The following MPHOSPH6 variants were observed in gnomAD, a reference collection of about 807,000 sequenced individuals.
MPHOSPH6 encodes M-phase phosphoprotein 6.
Under a neutral mutation model 21.8 loss-of-function variants are expected in MPHOSPH6, and 25 were observed. The observed-to-expected ratio is 1.15, with a 90% CI of 0.83 to 1.60. The LOEUF is 1.60. Among genes scored for constraint, MPHOSPH6 ranks in the 40% most tolerant of loss-of-function variants. The pLI, the probability that MPHOSPH6 is intolerant of heterozygous loss-of-function variation, is 0.00. For synonymous variants in MPHOSPH6, 84 were observed against 56.5 expected, an observed-to-expected ratio of 1.49 and a Z score of -2.18; for missense variants, 269 against 181.8, an observed-to-expected ratio of 1.48 and a Z score of -2.76.
At chr16:82,165,483 A>G (rs915775329) in intron 1 of MPHOSPH6, among the ~76,000 whole-genome samples, 1 of 152,138 alleles carries the variant, frequency 6.6e-6, no homozygotes, top group Non-Finnish European at 1.5e-5. Flanking sequence ...CTTTTTAGGC[A>G]TAAGCACTTT....
intron 3 of MPHOSPH6, among the ~76,000 whole-genome samples, chr16:82,150,521 T>C (rs535561221): frequency 4.3e-4 from 66 of 152,324 alleles, no homozygotes; most frequent in African/African-American, 1.5e-3. Flanking sequence ...ACTCTGGCAA[T>C]TGGCTTAGTT....
chr16:82,162,241 C>G (rs1331037904), intron 2 of MPHOSPH6: 3 of 152,252 alleles, frequency 2.0e-5, no homozygotes, highest in African/African-American at 4.8e-5. Context: ...ACTGGCGGAG[C>G]TGGGCATCAA....
chr16:82,161,911 T>G (rs1906619421), intron 2 of MPHOSPH6, among the ~76,000 whole-genome samples: 1 of 152,150 alleles, frequency 6.6e-6, no homozygotes, highest in African/African-American at 2.4e-5. Flanking sequence ...CGGCTGACAT[T>G]AAAAATGGGA....
chr16:82,168,821 C>T (rs1185615744), intron 1 of MPHOSPH6, among the ~76,000 whole-genome samples: 2 of 152,162 alleles, frequency 1.3e-5, no homozygotes, highest in Admixed American at 1.3e-4. Context: ...GGAAATTCCA[C>T]CTCTTTAAAC....
In MPHOSPH6 at chr16:82,168,471, T is replaced by TCCC. The variant is rs1555541288; in HGVS notation, c.51+1653_51+1654insGGG. ...TTGCCCATATAATGTTTACTCTCTC[T>TCCC]CTTTTTTTTTTTTTTTTGAGACAGG... On this transcript the variant is annotated intron_variant, in intron 1 of 4. Coordinates refer to ENST00000258169, the MANE Select transcript of MPHOSPH6 (RefSeq NM_005792.2). Among the ~76,000 whole-genome samples the TCCC allele has an allele frequency of 2.3e-5, 3 of 132,216 alleles. 1 individual carries two copies. The allele number at this position is 132,216 out of a possible 152,430, so 86.7% of individuals were successfully genotyped here. A position where few individuals can be genotyped will look rare whatever the true frequency, so the allele number is the denominator to read the frequency against.
chr16:82,165,442 T>G (rs1815970961), intron 1 of MPHOSPH6, among the ~76,000 whole-genome samples: 1 of 152,022 alleles, frequency 6.6e-6, no homozygotes. Flanking sequence ...ATATTTCTCC[T>G]CCTTCTATTC....
intron 2 of MPHOSPH6, among the ~76,000 whole-genome samples, chr16:82,156,607 A>C (rs1597161379): frequency 6.6e-6 from 1 of 152,226 alleles, no homozygotes; most frequent in Non-Finnish European, 1.5e-5. Context: ...AAAAAGATAC[A>C]TAACTCCAAA....
chr16:82,156,800 C>T (rs1191772049), intron 2 of MPHOSPH6, among the ~76,000 whole-genome samples: 2 of 152,170 alleles, frequency 1.3e-5, no homozygotes, highest in Non-Finnish European at 1.5e-5. Context: ...GGTGTGGTGC[C>T]TCATACCTGT....
chr16:82,150,722 C>T (rs6564987), intron 3 of MPHOSPH6, among the ~76,000 whole-genome samples: 2,330 of 152,270 alleles, frequency 0.015, 47 homozygotes, highest in African/African-American at 0.051. Context: ...AGGAAAGCCA[C>T]CACCACAAAG....
intron 2 of MPHOSPH6, among the ~76,000 whole-genome samples, chr16:82,160,853 G>C (rs1017333940): frequency 2.6e-5 from 4 of 152,126 alleles, no homozygotes; most frequent in African/African-American, 7.2e-5. Context: ...TACACTGGAG[G>C]AATCTGAAAA....
intron 2 of MPHOSPH6, among the ~76,000 whole-genome samples, chr16:82,154,237 C>A (rs1567612601): frequency 6.6e-6 from 1 of 152,188 alleles, no homozygotes; most frequent in Non-Finnish European, 1.5e-5. Context: ...GCTAAACACT[C>A]TGTGATATTT....
intron 2 of MPHOSPH6, among the ~76,000 whole-genome samples, chr16:82,152,177 C>T (rs763264803): frequency 1.3e-5 from 2 of 152,176 alleles, no homozygotes; most frequent in African/African-American, 2.4e-5. Flanking sequence ...GAACACAGGT[C>T]TGAGCTGTGT....
chr16:82,148,979 C>A, intron 4 of MPHOSPH6, 116 bp from the exon 5 acceptor site: 1 of 1,291,128 alleles, frequency 7.7e-7, no homozygotes, highest in Non-Finnish European at 1.1e-6. Context: ...AGAAAACTAT[C>A]ATTAAAAGAA....
In MPHOSPH6 at chr16:82,158,265, G is replaced by A. The variant is rs1429042802; in HGVS notation, c.164+5817C>T. On this transcript the variant is annotated intron_variant, in intron 2 of 4. Transcript: ENST00000258169. ...GCAGTTTGGGAGGCCGAAGCAGGAG[G>A]ATCACGAGGTCAGGAAATTGAGATC... Among the ~76,000 whole-genome samples, 3 of 151,496 alleles carry A rather than the reference G, an allele frequency of 2.0e-5. No individual in the cohort carries two copies. In the East Asian group the frequency reaches 5.8e-4, roughly 29 times the overall value.
At chr16:82,170,037 C>G in intron 1 of MPHOSPH6, 88 bp downstream of exon 1, 1 of 1,435,430 alleles carries the variant, frequency 7.0e-7, no homozygotes, top group Non-Finnish European at 9.4e-7. Flanking sequence ...CTCTGGTGTC[C>G]CTTGTCCGCC....
rs1418457856 is a variant in MPHOSPH6, at chr16:82,165,114, C to CTTTTTTTTTTTTTTTTTTTTTTTT, written c.52-921_52-920insAAAAAAAAAAAAAAAAAAAAAAAA. ...TTTCCCTTATTCAGGTCCGATATTT[C>CTTTTTTTTTTTTTTTTTTTTTTTT]TTTTTTATTTTTTTTTTTATTTTTT... is the stretch of plus-strand genomic sequence containing the variant. On this transcript the variant is annotated intron_variant, in intron 1 of 4. Transcript: ENST00000258169. Among the ~76,000 whole-genome samples the CTTTTTTTTTTTTTTTTTTTTTTTT allele has an allele frequency of 3.8e-4, 24 of 63,938 alleles. 7 individuals carry two copies. The highest frequency in any genetic ancestry group is 9.1e-4 in the East Asian group (2 of 2,194). The allele number at this position is 63,938 out of a possible 152,430, so 41.9% of individuals were successfully genotyped here.
chr16:82,149,370 CT>C lies in MPHOSPH6; in HGVS notation c.288del (p.Ala97GlnfsTer9). The C allele has an allele frequency of 1.2e-6, 2 of 1,612,886 alleles. No individual in the cohort carries two copies. ...KLMLQMNAKH[K>X]AEEVEDETVE... is the part of the protein sequence containing the mutation. ...ACTGTTTCATCTTCAACTTCTTCTG[CT>C]TTGTGCTTAGCATTCATCTGAAGCA... On this transcript the variant is annotated frameshift_variant, in exon 4 of 5. Transcript: ENST00000258169. LOFTEE classifies it high-confidence loss of function.
intron 2 of MPHOSPH6, among the ~76,000 whole-genome samples, chr16:82,160,460 G>A (rs1318116920): frequency 2.6e-5 from 4 of 152,128 alleles, no homozygotes; most frequent in African/African-American, 9.7e-5. Flanking sequence ...CTAACTGCCC[G>A]GTTGCTCTGG....
At chr16:82,165,453 C>T (rs971969867) in intron 1 of MPHOSPH6, among the ~76,000 whole-genome samples, 17 of 151,988 alleles carry the variant, frequency 1.1e-4, no homozygotes, top group African/African-American at 4.1e-4. Context: ...CCTTCTATTC[C>T]ACCTTTTCCA....
Sources: gnomAD v4.1 joint callset for allele counts (sites outside exome capture counted in the v4.1 genomes callset) on GRCh38, gnomAD v4.1.1 for gene constraint, MANE v1.5 for transcripts, NCBI Gene and HGNC (gene_info 2026-07-23, HGNC 2026-07-21) for gene names.